The following ATP6V1A variants were observed in gnomAD, a reference collection of about 807,000 sequenced individuals.
ATP6V1A encodes the protein V-type proton ATPase catalytic subunit A.
A neutral mutation model predicts 70.1 loss-of-function variants in ATP6V1A; 18 were observed. That is an observed-to-expected ratio of 0.26 (90% CI 0.18 to 0.38). The LOEUF is 0.38. Among genes scored for constraint, ATP6V1A ranks in the 10% least tolerant of loss-of-function variants. ATP6V1A has a pLI of 1.00. For missense variants in ATP6V1A, 424 were observed against 772.4 expected, an observed-to-expected ratio of 0.55 and a Z score of 5.35; for synonymous variants, 232 against 253.8, an observed-to-expected ratio of 0.91 and a Z score of 0.82.
At chr3:113,761,023 C>T (rs1024097793) in intron 1 of ATP6V1A, among the ~76,000 whole-genome samples, 1 of 151,740 alleles carries the variant, frequency 6.6e-6, no homozygotes, top group Non-Finnish European at 1.5e-5. Context: ...GCCTAAATCG[C>T]GCCACTGCAC....
chr3:113,806,317 T>G (rs1709275955), intron 14 of ATP6V1A, among the ~76,000 whole-genome samples: 1 of 152,288 alleles, frequency 6.6e-6, no homozygotes, highest in East Asian at 1.9e-4. Flanking sequence ...TTTGTCTTAG[T>G]TGCCAGGCAA....
At chr3:113,799,316 GTAA>G (rs1453915511) in intron 12 of ATP6V1A, among the ~76,000 whole-genome samples, 1 of 152,160 alleles carries the variant, frequency 6.6e-6, no homozygotes, top group Non-Finnish European at 1.5e-5. Context: ...ATTCACTAAT[GTAA>G]TAATACAATG....
At chr3:113,805,617 G>T (rs1709267970) in intron 14 of ATP6V1A, 92 bp downstream of exon 14, 1 of 1,245,728 alleles carries the variant, frequency 8.0e-7, no homozygotes, top group Middle Eastern at 2.5e-4. Flanking sequence ...TTGCGAGGCT[G>T]GAGTGCAGTG....
intron 3 of ATP6V1A, among the ~76,000 whole-genome samples, chr3:113,783,192 A>G (rs1215929328): frequency 1.3e-5 from 2 of 152,196 alleles, no homozygotes; most frequent in Non-Finnish European, 2.9e-5. Context: ...TTTACTTATC[A>G]ATGTCTTAAT....
intron 1 of ATP6V1A, among the ~76,000 whole-genome samples, chr3:113,755,834 A>G (rs183257386): frequency 3.3e-5 from 5 of 152,254 alleles, no homozygotes; most frequent in Admixed American, 3.3e-4. Flanking sequence ...TTTATCCACA[A>G]ATGGTAGCAC....
Position 113,780,826 on chromosome 3 carries a change from A to G in ATP6V1A, c.83-224A>G, listed in dbSNP as rs112959615. 8.3e-4 allele frequency: 1,103 copies of G among 1,327,300 alleles called. 15 individuals are homozygous for G. The African/African-American group carries it at 0.014, about 17-fold the overall frequency. The allele number at this position is 1,327,300 out of a possible 1,614,324, so 82.2% of individuals were successfully genotyped here. A position where few individuals can be genotyped will look rare whatever the true frequency, so the allele number is the denominator to read the frequency against. On this transcript the variant is annotated intron_variant, in intron 2 of 14. Transcript: ENST00000273398. ...AACTTGAAATGTTTGAAAAGTTTTC[A>G]TGTATATTATGTAAATAAATAATCT...
Position 113,795,001 on chromosome 3 carries a change from CT to C in ATP6V1A, c.1111+8del. ...TTAGCTGAAATGCCTGCAGGTAAGT[CT>C]GTGTATTGCTTATCATGTAAACAAG... On this transcript the variant is annotated splice_region_variant and intron_variant, in intron 9 of 14. Coordinates refer to ENST00000273398, the MANE Select transcript of ATP6V1A (RefSeq NM_001690.4). 6.2e-7 allele frequency: 1 copy of C among 1,613,190 alleles called. No homozygotes were observed. The highest frequency in any genetic ancestry group is 8.5e-7 in the Non-Finnish European group (1 of 1,179,654).
At chr3:113,772,932 G>GTTTTTTTT (rs766315845) in intron 1 of ATP6V1A, among the ~76,000 whole-genome samples, 1 of 105,634 alleles carries the variant, frequency 9.5e-6, no homozygotes, top group East Asian at 2.9e-4. Flanking sequence ...CTTAATATTG[G>GTTTTTTTT]CTTTTTTTTT....
intron 7 of ATP6V1A, among the ~76,000 whole-genome samples, chr3:113,789,271 C>T (rs1037800604): frequency 1.3e-5 from 2 of 152,132 alleles, no homozygotes; most frequent in South Asian, 4.1e-4. Flanking sequence ...TGGTTTTGAA[C>T]TCCTGACCTC....
At chr3:113,782,415 C>A (rs184485746) in intron 3 of ATP6V1A, among the ~76,000 whole-genome samples, 248 of 151,786 alleles carry the variant, frequency 1.6e-3, no homozygotes, top group African/African-American at 5.8e-3. Context: ...AACACATACA[C>A]ACCTCCATGC....
In ATP6V1A at chr3:113,756,953, A is replaced by G. The variant is rs541138210; in HGVS notation, c.-14+9840A>G. 7.9e-5 allele frequency among the ~76,000 whole-genome samples: 12 copies of G among 152,362 alleles called. No homozygotes were observed. In the South Asian group the frequency reaches 2.3e-3, roughly 29 times the overall value. ...GTGAGTCCTAGTCGTAGGTAATGCA[A>G]AATGAGGTAGCGAGGAGCTTTATTT... On this transcript the variant is annotated intron_variant, in intron 1 of 14. Coordinates refer to ENST00000273398, the MANE Select transcript of ATP6V1A (RefSeq NM_001690.4).
At chr3:113,770,799 A>T (rs922677124) in intron 1 of ATP6V1A, among the ~76,000 whole-genome samples, 1 of 152,086 alleles carries the variant, frequency 6.6e-6, no homozygotes, top group Non-Finnish European at 1.5e-5. Flanking sequence ...GATTTGGGAT[A>T]AAATTAACTT....
intron 12 of ATP6V1A, chr3:113,801,249 T>G (rs572429412): frequency 6.7e-6 from 1 of 148,546 alleles, no homozygotes; most frequent in Non-Finnish European, 1.5e-5. Context: ...AAAAAAAAAC[T>G]GATGGACTAA....
At position 113,778,739 on chromosome 3, in the gene ATP6V1A, A is replaced by T; in HGVS notation, c.-13-2A>T. ...ACTTATTTATTTATTTATTTACTATAGGTAAACTAACATTATGGATTTTTC... is the reference window on the plus strand; with the variant it reads ...ACTTATTTATTTATTTATTTACTATTGGTAAACTAACATTATGGATTTTTC... On this transcript the variant is annotated splice_acceptor_variant, in intron 1 of 14. Transcript: ENST00000273398. LOFTEE classifies it low-confidence loss of function (5UTR_SPLICE). 6.6e-7 allele frequency: 1 copy of T among 1,526,408 alleles called. No homozygotes were observed. The highest frequency in any genetic ancestry group is 8.9e-7 in the Non-Finnish European group (1 of 1,124,648). 94.6% of individuals were successfully genotyped at this position (1,526,408 alleles called of 1,614,324 possible). A position where few individuals can be genotyped will look rare whatever the true frequency, so the allele number is the denominator to read the frequency against.
At chr3:113,796,277 A>G (rs767796562) in intron 11 of ATP6V1A, among the ~76,000 whole-genome samples, 5 of 152,236 alleles carry the variant, frequency 3.3e-5, no homozygotes, top group South Asian at 4.1e-4. Context: ...TGTAATACCC[A>G]GAAGTTATTT....
rs1459859391 is a variant in ATP6V1A, at chr3:113,810,490, T to A, written c.*1063T>A. ...GCATAGTTTATTTCACTAGAAAAAA[T>A]TTAATATCAAGGACTATTACATACT... is the stretch of plus-strand genomic sequence containing the variant. On this transcript the variant is annotated 3_prime_UTR_variant, in exon 15 of 15. Coordinates refer to ENST00000273398, the MANE Select transcript of ATP6V1A (RefSeq NM_001690.4). The A allele has an allele frequency of 2.0e-5, 3 of 152,034 alleles. No individual in the cohort carries two copies. The highest frequency in any genetic ancestry group is 4.8e-5 in the African/African-American group (2 of 41,404). 9.4% of individuals were successfully genotyped at this position (152,034 alleles called of 1,614,324 possible).
Position 113,803,605 on chromosome 3 carries a change from A to G in ATP6V1A, c.1517A>G (p.Lys506Arg). The G allele has an allele frequency of 1.2e-6, 2 of 1,611,420 alleles. No homozygotes were observed. Among genetic ancestry groups the G allele is most frequent in the Non-Finnish European group, 1.7e-6 (2 of 1,178,110 alleles). ...TAGGCTTCTTTGGCAGAAACAGATA[A>G]AATCACTCTGGAGGTAGCAAAACTT... ...VGKASLAETDKITLEVAKLIK... is the reference protein window; with the variant it reads ...VGKASLAETDRITLEVAKLIK... Residue 506 changes from lysine (K) to arginine (R), a missense_variant, in exon 13 of 15, where the codon AAA becomes AGA. This residue lies in a region of ATP6V1A where 127 missense variants were observed against 207.9 expected (regional missense o/e 0.61). Coordinates refer to ENST00000273398, the MANE Select transcript of ATP6V1A (RefSeq NM_001690.4).
intron 8 of ATP6V1A, 108 bp from the exon 9 acceptor site, chr3:113,794,764 G>A (rs1709135688): frequency 1.6e-6 from 2 of 1,274,822 alleles, no homozygotes; most frequent in African/African-American, 3.0e-5. Context: ...GGAGCCACTA[G>A]CAGTCTACGT....
chr3:113,800,293 A>G (rs184111308), intron 12 of ATP6V1A, among the ~76,000 whole-genome samples: 66 of 152,258 alleles, frequency 4.3e-4, no homozygotes, highest in Admixed American at 4.1e-3. Flanking sequence ...ACGCCAATCT[A>G]AAATTCATTT....
Sources: allele counts gnomAD v4.1 joint callset (sites outside exome capture counted in the v4.1 genomes callset), GRCh38; gene constraint gnomAD v4.1.1; regional missense constraint gnomAD v4.1.1; transcripts MANE v1.5; gene names NCBI Gene and HGNC (gene_info 2026-07-23, HGNC 2026-07-21).